SH3GL2: variants seen among roughly 807,000 people sequenced by gnomAD.
The protein encoded by SH3GL2 is SH3 domain containing GRB2 like 2, endophilin A1, also known as endophilin-A1.
A neutral mutation model predicts 46.0 loss-of-function variants in SH3GL2; 24 were observed. The observed-to-expected ratio is 0.52, with a 90% CI of 0.38 to 0.73. The LOEUF is 0.73. Ranked by LOEUF, SH3GL2 falls within the 30% of genes least tolerant of loss-of-function variation. The probability of loss-of-function intolerance (pLI) is 0.00; values close to 1 mark genes in which losing one functional copy is unlikely to be tolerated. For missense variants in SH3GL2, 413 were observed against 424.2 expected (o/e 0.97, Z 0.23); for synonymous variants, 196 against 147.1 (o/e 1.33, Z -2.40).
At chr9:17,646,632 C>A (rs1819824770) in intron 1 of SH3GL2, among the ~76,000 whole-genome samples, 1 of 152,150 alleles carries the variant, frequency 6.6e-6, no homozygotes, top group Non-Finnish European at 1.5e-5. Flanking sequence ...ACAGACCTGT[C>A]TTCTGCAGGC....
At chr9:17,767,524 A>G (rs1364147009) in intron 3 of SH3GL2, among the ~76,000 whole-genome samples, 1 of 152,342 alleles carries the variant, frequency 6.6e-6, no homozygotes, top group African/African-American at 2.4e-5. Flanking sequence ...CCTTGGTCTC[A>G]CAACACACTG....
At chr9:17,720,561 G>A (rs1821870472) in intron 1 of SH3GL2, among the ~76,000 whole-genome samples, 1 of 152,030 alleles carries the variant, frequency 6.6e-6, no homozygotes, top group East Asian at 1.9e-4. Context: ...GCTGAACCCT[G>A]GTGATTGGCC....
At chr9:17,740,942 A>T (rs902358809) in intron 1 of SH3GL2, among the ~76,000 whole-genome samples, 13 of 152,100 alleles carry the variant, frequency 8.5e-5, no homozygotes, top group Non-Finnish European at 1.5e-5. Flanking sequence ...CGCAACTATT[A>T]GGTGACATTT....
At chr9:17,738,491 CACATATACATACATATAT>C (rs1822408102) in intron 1 of SH3GL2, among the ~76,000 whole-genome samples, 1 of 94,262 alleles carries the variant, frequency 1.1e-5, no homozygotes, top group Admixed American at 9.3e-5. Flanking sequence ...TATACACACA[CACATATACATACATATAT>C]ACATATGTGT....
chr9:17,583,675 T>G (rs1818319104), intron 1 of SH3GL2, among the ~76,000 whole-genome samples: 1 of 152,166 alleles, frequency 6.6e-6, no homozygotes, highest in African/African-American at 2.4e-5. Flanking sequence ...TAAAATTAAT[T>G]TGGGTAGGCT....
chr9:17,599,709 G>A (rs982458168), intron 1 of SH3GL2, among the ~76,000 whole-genome samples: 2 of 152,122 alleles, frequency 1.3e-5, no homozygotes, highest in Non-Finnish European at 2.9e-5. Context: ...GGCATTTGTA[G>A]CATGAACCCA....
intron 3 of SH3GL2, among the ~76,000 whole-genome samples, chr9:17,770,222 C>A (rs1349531975): frequency 6.6e-6 from 1 of 152,098 alleles, no homozygotes; most frequent in Non-Finnish European, 1.5e-5. Flanking sequence ...TGGGCTGAAG[C>A]TATTAATAGA....
At chr9:17,774,070 A>G (rs886739953) in intron 3 of SH3GL2, among the ~76,000 whole-genome samples, 3 of 152,138 alleles carry the variant, frequency 2.0e-5, no homozygotes, top group African/African-American at 7.2e-5. Context: ...TGTAAATGGA[A>G]TTAACCTTTT....
intron 1 of SH3GL2, among the ~76,000 whole-genome samples, chr9:17,656,321 A>G (rs1820075950): frequency 2.0e-5 from 3 of 152,158 alleles, no homozygotes; most frequent in Admixed American, 6.5e-5. Flanking sequence ...TCAGAAGATT[A>G]ACCAACTAAT....
intron 8 of SH3GL2, among the ~76,000 whole-genome samples, chr9:17,793,876 A>C (rs1444517733): frequency 6.6e-6 from 1 of 152,236 alleles, no homozygotes; most frequent in Non-Finnish European, 1.5e-5. Context: ...CCTGTATGAC[A>C]GTGAATGCCC....
intron 1 of SH3GL2, among the ~76,000 whole-genome samples, chr9:17,631,947 G>A (rs991864421): frequency 6.6e-6 from 1 of 151,960 alleles, no homozygotes; most frequent in Non-Finnish European, 1.5e-5. Context: ...TTCCTTTCTG[G>A]GCATGTTAAA....
chr9:17,624,069 C>T (rs1240990298), intron 1 of SH3GL2, among the ~76,000 whole-genome samples: 2 of 152,128 alleles, frequency 1.3e-5, no homozygotes, highest in Admixed American at 6.5e-5. Flanking sequence ...TGGTTTATCT[C>T]GTTTTTAAGA....
intron 1 of SH3GL2, among the ~76,000 whole-genome samples, chr9:17,745,656 G>A (rs1286238165): frequency 6.8e-6 from 1 of 147,468 alleles, no homozygotes; most frequent in Admixed American, 6.7e-5. Flanking sequence ...GGGAGTGAAG[G>A]ACAGATAGAG....
chr9:17,595,933 G>T (rs1818561583), intron 1 of SH3GL2, among the ~76,000 whole-genome samples: 1 of 152,038 alleles, frequency 6.6e-6, no homozygotes, highest in Non-Finnish European at 1.5e-5. Flanking sequence ...CCTGGTCAGT[G>T]GGTTTATGGG....
intron 1 of SH3GL2, among the ~76,000 whole-genome samples, chr9:17,713,961 T>C (rs1588266364): frequency 1.3e-5 from 2 of 151,864 alleles, no homozygotes. Flanking sequence ...GTTTTAATTA[T>C]TGAGAAAAGG....
intron 1 of SH3GL2, among the ~76,000 whole-genome samples, chr9:17,580,249 G>A (rs904205764): frequency 6.6e-6 from 1 of 152,086 alleles, no homozygotes; most frequent in African/African-American, 2.4e-5. Flanking sequence ...GACTTACCGC[G>A]AAATGTTTTT....
At chr9:17,640,082 T>G (rs944567016) in intron 1 of SH3GL2, among the ~76,000 whole-genome samples, 10 of 152,158 alleles carry the variant, frequency 6.6e-5, no homozygotes, top group African/African-American at 2.4e-4. Flanking sequence ...TGTGCAATTA[T>G]GAACACTCAT....
intron 1 of SH3GL2, among the ~76,000 whole-genome samples, chr9:17,734,093 AAGTTCATCACTCC>A (rs991689535): frequency 1.4e-4 from 21 of 152,188 alleles, no homozygotes; most frequent in African/African-American, 4.3e-4. Flanking sequence ...TATAAATCTC[AAGTTCATCACTCC>A]AGTTCATCAC....
At chr9:17,672,355 G>C (rs1820495783) in intron 1 of SH3GL2, among the ~76,000 whole-genome samples, 1 of 152,074 alleles carries the variant, frequency 6.6e-6, no homozygotes, top group African/African-American at 2.4e-5. Context: ...ATAATTGATG[G>C]AGCAGAGACT....
Sources: allele counts gnomAD v4.1 joint callset (sites outside exome capture counted in the v4.1 genomes callset), GRCh38; gene constraint gnomAD v4.1.1; transcripts MANE v1.5; gene names NCBI Gene and HGNC (gene_info 2026-07-23, HGNC 2026-07-21).